The following WWOX variants were observed in gnomAD, a reference collection of about 807,000 sequenced individuals.
The protein encoded by WWOX is WW domain containing oxidoreductase.
In WWOX, 69 loss-of-function variants were observed where a neutral mutation model predicts 46.2. That is an observed-to-expected ratio of 1.49 (90% CI 1.23 to 1.82). WWOX has a LOEUF of 1.82. WWOX is among the 40% of genes most tolerant of loss of function. The pLI, the probability that WWOX is intolerant of heterozygous loss-of-function variation, is 0.00. For missense variants in WWOX, 919 were observed against 542.6 expected (o/e 1.69, Z -6.89); for synonymous variants, 359 against 202.6 (o/e 1.77, Z -6.56).
chr16:78,666,969 G>A lies in WWOX; in HGVS notation c.1056+234217G>A, dbSNP rs181226644. ...TTCCATCACAAAAGGGGGTTAAAAG[G>A]GTTTAGGGGAAGTTTAGTTGTCTTC... On this transcript the variant is annotated intron_variant, in intron 8 of 8. Coordinates refer to ENST00000566780, the MANE Select transcript of WWOX (RefSeq NM_016373.4). Among the ~76,000 whole-genome samples, 341 of 152,254 alleles carry A rather than the reference G, an allele frequency of 2.2e-3. 2 individuals carry two copies. Among genetic ancestry groups the A allele is most frequent in the East Asian group, 7.5e-3 (39 of 5,172 alleles).
intron 5 of WWOX, among the ~76,000 whole-genome samples, chr16:78,305,630 A>G (rs548464223): frequency 2.4e-4 from 37 of 151,586 alleles, no homozygotes; most frequent in African/African-American, 9.0e-4. Flanking sequence ...ACATAGGAGC[A>G]CTTTAAAAAA....
intron 8 of WWOX, among the ~76,000 whole-genome samples, chr16:78,579,133 G>A (rs550448054): frequency 2.0e-5 from 3 of 151,924 alleles, no homozygotes; most frequent in Non-Finnish European, 4.4e-5. Flanking sequence ...TCTAGTTATT[G>A]TGGGTGTTAA....
intron 6 of WWOX, among the ~76,000 whole-genome samples, chr16:78,399,156 G>C (rs557856273): frequency 2.6e-5 from 4 of 152,286 alleles, no homozygotes; most frequent in South Asian, 2.1e-4. Context: ...TGGCTAGATG[G>C]ATAGAAGGTT....
intron 8 of WWOX, chr16:78,896,781 A>G (rs1329445786): frequency 6.6e-6 from 1 of 152,124 alleles, no homozygotes; most frequent in Admixed American, 6.5e-5. Context: ...GAGAGAGAGA[A>G]AATGTATATG....
intron 8 of WWOX, among the ~76,000 whole-genome samples, chr16:79,210,077 C>T (rs962933451): frequency 6.6e-6 from 1 of 152,134 alleles, no homozygotes; most frequent in Admixed American, 6.5e-5. Flanking sequence ...GGAACTTGTC[C>T]AGTATCATCA....
chr16:78,464,823 G>C (rs1259657877), intron 8 of WWOX, among the ~76,000 whole-genome samples: 1 of 152,080 alleles, frequency 6.6e-6, no homozygotes, highest in African/African-American at 2.4e-5. Flanking sequence ...CCCTCAATAA[G>C]GAGAATCAGA....
chr16:78,450,131 A>C (rs971058633), intron 8 of WWOX, among the ~76,000 whole-genome samples: 1 of 152,200 alleles, frequency 6.6e-6, no homozygotes, highest in Non-Finnish European at 1.5e-5. Context: ...CAACCATGTT[A>C]AAAATGTATA....
At chr16:78,464,335 AAAG>A (rs746086642) in intron 8 of WWOX, among the ~76,000 whole-genome samples, 1 of 146,124 alleles carries the variant, frequency 6.8e-6, no homozygotes, top group Non-Finnish European at 1.5e-5. Context: ...GGGAGGAAGG[AAAG>A]AAGAGAGAGA....
intron 5 of WWOX, among the ~76,000 whole-genome samples, chr16:78,353,387 G>C (rs9929970): frequency 0.086 from 13,059 of 152,196 alleles, 596 homozygotes; most frequent in Middle Eastern, 0.11. Flanking sequence ...AGTTACCTGT[G>C]AGCCTTCCAG....
intron 4 of WWOX, among the ~76,000 whole-genome samples, chr16:78,151,894 ATAT>A (rs1331014222): frequency 1.3e-5 from 2 of 152,060 alleles, no homozygotes; most frequent in Admixed American, 1.3e-4. Context: ...TTTTTTCTTA[ATAT>A]TATAACATGG....
chr16:78,718,562 C>T (rs2048621094), intron 8 of WWOX, among the ~76,000 whole-genome samples: 1 of 151,842 alleles, frequency 6.6e-6, no homozygotes, highest in Non-Finnish European at 1.5e-5. Flanking sequence ...TACACTGAGC[C>T]AAGCATGGGT....
At chr16:79,138,255 A>G (rs1467807603) in intron 8 of WWOX, among the ~76,000 whole-genome samples, 1 of 152,192 alleles carries the variant, frequency 6.6e-6, no homozygotes, top group Non-Finnish European at 1.5e-5. Flanking sequence ...TCTAAGAGCA[A>G]GGTGCTGTAC....
chr16:79,195,345 G>T (rs1332559122), intron 8 of WWOX, among the ~76,000 whole-genome samples: 3 of 152,120 alleles, frequency 2.0e-5, no homozygotes, highest in Admixed American at 2.0e-4. Flanking sequence ...CAATCCCAAG[G>T]AAACTCTGAA....
At chr16:79,117,220 A>C (rs2150668595) in intron 8 of WWOX, among the ~76,000 whole-genome samples, 1 of 152,188 alleles carries the variant, frequency 6.6e-6, no homozygotes, top group South Asian at 2.1e-4. Flanking sequence ...CGTGTTGCCC[A>C]GGCTGGTCTT....
At chr16:78,678,327 G>T (rs2047652121) in intron 8 of WWOX, among the ~76,000 whole-genome samples, 1 of 152,220 alleles carries the variant, frequency 6.6e-6, no homozygotes, top group South Asian at 2.1e-4. Flanking sequence ...AGTAGGGTAT[G>T]AGCGGGCCAC....
At chr16:78,539,539 AG>A (rs1218282569) in intron 8 of WWOX, among the ~76,000 whole-genome samples, 38 of 152,400 alleles carry the variant, frequency 2.5e-4, no homozygotes, top group African/African-American at 8.2e-4. Context: ...TGTTGACAGA[AG>A]TAGGACTTCA....
intron 8 of WWOX, among the ~76,000 whole-genome samples, chr16:78,665,840 A>G (rs967348667): frequency 6.6e-6 from 1 of 152,090 alleles, no homozygotes; most frequent in African/African-American, 2.4e-5. Context: ...ATGCACCACC[A>G]TGCCCGGCTA....
At chr16:78,190,063 C>G (rs547921507) in intron 5 of WWOX, among the ~76,000 whole-genome samples, 4 of 152,304 alleles carry the variant, frequency 2.6e-5, no homozygotes, top group African/African-American at 7.2e-5. Context: ...ATTAATAGCT[C>G]CATCTTAGGA....
chr16:78,101,016 C>G (rs1444811743), intron 1 of WWOX, among the ~76,000 whole-genome samples: 1 of 151,236 alleles, frequency 6.6e-6, no homozygotes, highest in Admixed American at 6.6e-5. Flanking sequence ...TTGTAAGAGC[C>G]TTTTTCTGGG....
Sources: allele counts gnomAD v4.1 joint callset (sites outside exome capture counted in the v4.1 genomes callset), GRCh38; gene constraint gnomAD v4.1.1; transcripts MANE v1.5; gene names NCBI Gene and HGNC (gene_info 2026-07-23, HGNC 2026-07-21).